The following ITPRID2 variants were observed in gnomAD, a reference collection of about 807,000 sequenced individuals.
ITPRID2 encodes ITPR interacting domain containing 2.
Under a neutral mutation model 124.3 loss-of-function variants are expected in ITPRID2, and 60 were observed. The observed-to-expected ratio is 0.48, with a 90% CI of 0.39 to 0.60. The LOEUF is 0.60. ITPRID2 is among the 20% of genes least tolerant of loss of function. ITPRID2 has a pLI of 0.00. For missense variants in ITPRID2, 1,553 were observed against 1,512.2 expected, an observed-to-expected ratio of 1.03 and a Z score of -0.45; for synonymous variants, 521 against 542.9, an observed-to-expected ratio of 0.96 and a Z score of 0.56.
intron 17 of ITPRID2, among the ~76,000 whole-genome samples, chr2:181,929,090 TA>T (rs1695092327): frequency 6.6e-6 from 1 of 151,888 alleles, no homozygotes; most frequent in African/African-American, 2.4e-5. Flanking sequence ...CTAATTACAT[TA>T]AAAAATTTTT....
Position 181,919,155 on chromosome 2 carries a change from T to C in ITPRID2, c.2994-141T>C. Reference sequence around the variant, plus strand: ...AGACTAATGTCCTTGTGGATACACCTATTGTAGTTGATATTGTACTAATTT... The same window carrying C: ...AGACTAATGTCCTTGTGGATACACCCATTGTAGTTGATATTGTACTAATTT... On this transcript the variant is annotated intron_variant, in intron 13 of 17. Coordinates refer to ENST00000431877, the MANE Select transcript of ITPRID2 (RefSeq NM_001130445.3). This position sits in a 1 kb window ranked among gnomAD's most constrained non-coding sequence, Gnocchi z 4.2. 1 of 960,762 alleles carries C rather than the reference T, an allele frequency of 1.0e-6. No individual in the cohort carries two copies. The allele number at this position is 960,762 out of a possible 1,614,324, so 59.5% of individuals were successfully genotyped here.
At chr2:181,911,594 A>G (rs895961040) in intron 9 of ITPRID2, among the ~76,000 whole-genome samples, 1 of 152,138 alleles carries the variant, frequency 6.6e-6, no homozygotes, top group Non-Finnish European at 1.5e-5. Flanking sequence ...TGTTTCCTCT[A>G]ACTTCCTAGT....
At chr2:181,912,970 A>G (rs1433345564) in intron 9 of ITPRID2, among the ~76,000 whole-genome samples, 1 of 152,200 alleles carries the variant, frequency 6.6e-6, no homozygotes, top group African/African-American at 2.4e-5. Flanking sequence ...TTCATACCTT[A>G]TACATTTGCA....
At position 181,929,799 on chromosome 2, in the gene ITPRID2, G is replaced by C. The variant is rs1695152686; in HGVS notation, c.*252G>C. The C allele has an allele frequency of 6.2e-6, 3 of 487,344 alleles. No homozygotes were observed. The highest frequency in any genetic ancestry group is 3.6e-6 in the Non-Finnish European group (1 of 280,414). 30.2% of individuals were successfully genotyped at this position (487,344 alleles called of 1,614,324 possible). A position where few individuals can be genotyped will look rare whatever the true frequency, so the allele number is the denominator to read the frequency against. On this transcript the variant is annotated 3_prime_UTR_variant, in exon 18 of 18. Coordinates refer to ENST00000431877, the MANE Select transcript of ITPRID2 (RefSeq NM_001130445.3). ...AGTTTGAAAAGCCTAATATTTATTT[G>C]TATGTCAGTATTTTTCATTTGATTC...
Position 181,902,104 on chromosome 2 carries a change from G to A in ITPRID2, c.1051G>A (p.Glu351Lys), listed in dbSNP as rs1339097166. ...QKSQKIMKKK[E>K]SSSMLATVKE... ...GTCTCAAAAAATTATGAAGAAGAAA[G>A]AGTCATCTTCTATGTTGGCTACAGT... Residue 351 changes from glutamate (E) to lysine (K), a missense_variant, in exon 8 of 18, where the codon GAG (glutamate) becomes AAG (lysine). Glu to Lys is a moderately conservative substitution (Grantham distance 56). Coordinates refer to ENST00000431877, the MANE Select transcript of ITPRID2 (RefSeq NM_001130445.3). This position sits in a 1 kb window ranked among gnomAD's most constrained non-coding sequence, Gnocchi z 4.4. 6.2e-7 allele frequency: 1 copy of A among 1,611,718 alleles called. No homozygotes were observed. Among genetic ancestry groups the A allele is most frequent in the Non-Finnish European group, 8.5e-7 (1 of 1,179,186 alleles).
At position 181,916,273 on chromosome 2, in the gene ITPRID2, G is replaced by A. The variant is rs770472951; in HGVS notation, c.2633G>A (p.Cys878Tyr). The A allele has an allele frequency of 6.2e-7, 1 of 1,614,208 alleles. No individual in the cohort carries two copies. The highest frequency in any genetic ancestry group is 2.2e-5 in the East Asian group (1 of 44,876). The stretch of plus-strand genomic sequence containing the variant: ...GTTCCCAACATATCAGGGGCTACTT[G>A]TAGTGCCTTCGCTTCCCCTTTCGGG... ...HSVPNISGAT[C>Y]SAFASPFGCP... The change falls in exon 11 of 18, where the codon TGT becomes TAT. Residue 878 changes from cysteine (C) to tyrosine (Y), a missense_variant. By Grantham distance (194) the Cys-to-Tyr change is radical. Coordinates refer to ENST00000431877, the MANE Select transcript of ITPRID2 (RefSeq NM_001130445.3).
At position 181,892,048 on chromosome 2, in the gene ITPRID2, C is replaced by CG. The variant is rs1186279263; in HGVS notation, c.-17dup. On this transcript the variant is annotated 5_prime_UTR_variant, in exon 1 of 18. Transcript: ENST00000431877. This position sits in a 1 kb window ranked among gnomAD's most constrained non-coding sequence, Gnocchi z 5.2. ...CTCGCGCAGGGTCCGGCTGGGGTAG[C>CG]GGAGCCCCCAGTGCGGCCATGGACC... is the stretch of plus-strand genomic sequence containing the variant. The CG allele has an allele frequency of 1.9e-6, 3 of 1,546,854 alleles. No individual in the cohort carries two copies. In the African/African-American group the frequency reaches 4.1e-5, roughly 21 times the overall value.
intron 4 of ITPRID2, among the ~76,000 whole-genome samples, chr2:181,897,465 A>G (rs1430689389): frequency 6.6e-6 from 1 of 152,032 alleles, no homozygotes; most frequent in African/African-American, 2.4e-5. Context: ...TTTTATTAGA[A>G]ATCATGCTGG....
chr2:181,917,245 C>T (rs1694136583), intron 11 of ITPRID2: 1 of 154,048 alleles, frequency 6.5e-6, no homozygotes, highest in Non-Finnish European at 1.4e-5. Flanking sequence ...AACAAAGAGT[C>T]AGGAGGCCTA....
In ITPRID2 at chr2:181,891,789, G is replaced by A. The variant is rs1298736314; in HGVS notation, c.-278G>A. 8.4e-6 allele frequency: 2 copies of A among 239,298 alleles called. No homozygotes were observed. Among genetic ancestry groups the A allele is most frequent in the African/African-American group, 2.3e-5 (1 of 43,576 alleles). 14.8% of individuals were successfully genotyped at this position (239,298 alleles called of 1,614,324 possible). A position where few individuals can be genotyped will look rare whatever the true frequency, so the allele number is the denominator to read the frequency against. On this transcript the variant is annotated 5_prime_UTR_variant, in exon 1 of 18. Coordinates refer to ENST00000431877, the MANE Select transcript of ITPRID2 (RefSeq NM_001130445.3). ...AGGCAGGGGGTGGGGAGCAGGGGCCGGGCGGGCGCTCGGCTCCCAGCCGCG... is the reference window on the plus strand; with the variant it reads ...AGGCAGGGGGTGGGGAGCAGGGGCCAGGCGGGCGCTCGGCTCCCAGCCGCG...
rs559440920 is a variant in ITPRID2, at chr2:181,919,551, A to G, written c.3144+105A>G. On this transcript the variant is annotated intron_variant, in intron 14 of 17. Coordinates refer to ENST00000431877, the MANE Select transcript of ITPRID2 (RefSeq NM_001130445.3). This position sits in a 1 kb window ranked among gnomAD's most constrained non-coding sequence, Gnocchi z 4.2. ...ATTTCAAGTCATTTATTTTAATGGT[A>G]TTAAAAGCATGCATACTGTTTAAGG... is the stretch of plus-strand genomic sequence containing the variant. The G allele has an allele frequency of 2.3e-6, 3 of 1,283,660 alleles. No homozygotes were observed. The highest frequency in any genetic ancestry group is 3.1e-6 in the Non-Finnish European group (3 of 958,676). The allele number at this position is 1,283,660 out of a possible 1,614,324, so 79.5% of individuals were successfully genotyped here.
At position 181,892,167 on chromosome 2, in the gene ITPRID2, G is replaced by C. The variant is rs772240513; in HGVS notation, c.101G>C (p.Trp34Ser). Residue 34 changes from tryptophan (W) to serine (S), a missense_variant, in exon 1 of 18, where the codon TGG becomes TCG. By Grantham distance (177) the Trp-to-Ser change is radical. Transcript: ENST00000431877. The surrounding 1 kb of genome is among the most constrained non-coding windows in gnomAD (Gnocchi z 5.2). ...GCCTGGGCCAAGTGCCGCAGCTCCT[G>C]GCAAGCGTCGGAGACGGAGGATCTG... ...RKAWAKCRSS[W>S]QASETEDLST... 35 of 1,554,440 alleles carry C rather than the reference G, an allele frequency of 2.3e-5. No homozygotes were observed. The highest frequency in any genetic ancestry group is 5.8e-5 in the Admixed American group (3 of 51,348).
intron 15 of ITPRID2, among the ~76,000 whole-genome samples, chr2:181,921,274 T>G (rs1694459624): frequency 6.6e-6 from 1 of 152,068 alleles, no homozygotes; most frequent in Non-Finnish European, 1.5e-5. Context: ...GGTCAGGAGT[T>G]GAAGACCAGC....
intron 15 of ITPRID2, 61 bp downstream of exon 15, chr2:181,920,723 G>A (rs1253281547): frequency 8.4e-7 from 1 of 1,195,966 alleles, no homozygotes; most frequent in Non-Finnish European, 1.2e-6. Flanking sequence ...CAGACACATA[G>A]TTTCCCTAGT....
At position 181,892,000 on chromosome 2, in the gene ITPRID2, G is replaced by T; in HGVS notation, c.-67G>T. On this transcript the variant is annotated 5_prime_UTR_variant, in exon 1 of 18. Coordinates refer to ENST00000431877, the MANE Select transcript of ITPRID2 (RefSeq NM_001130445.3). ...CCGGCCGGGCGCTGACAGCAAGGGC[G>T]GGGGTCCCTGCCGCCGCCTTGTCTC... 1 of 1,494,160 alleles carries T rather than the reference G, an allele frequency of 6.7e-7. No homozygotes were observed. Among genetic ancestry groups the T allele is most frequent in the Admixed American group, 2.1e-5 (1 of 48,034 alleles). 92.6% of individuals were successfully genotyped at this position (1,494,160 alleles called of 1,614,324 possible). A position where few individuals can be genotyped will look rare whatever the true frequency, so the allele number is the denominator to read the frequency against.
In ITPRID2 at chr2:181,910,037, T is replaced by C. The variant is rs1453070004; in HGVS notation, c.1486+66T>C. 9 of 1,238,640 alleles carry C rather than the reference T, an allele frequency of 7.3e-6. No individual in the cohort carries two copies. Among genetic ancestry groups the C allele is most frequent in the Admixed American group, 3.6e-5 (2 of 55,272 alleles). 76.7% of individuals were successfully genotyped at this position (1,238,640 alleles called of 1,614,324 possible). On this transcript the variant is annotated intron_variant, in intron 9 of 17. Transcript: ENST00000431877. This position sits in a 1 kb window ranked among gnomAD's most constrained non-coding sequence, Gnocchi z 4.1. ...AATATTAGTTGATTTGGAAAAGGGG[T>C]TTTATGTATCAGTATTTGTAGTATT...
chr2:181,906,077 A>C (rs1693086328), intron 8 of ITPRID2, among the ~76,000 whole-genome samples: 1 of 152,218 alleles, frequency 6.6e-6, no homozygotes, highest in East Asian at 1.9e-4. Flanking sequence ...TATGTGTAAA[A>C]CTCGATAGTA....
At position 181,922,339 on chromosome 2, in the gene ITPRID2, T is replaced by G. The variant is rs1335042788; in HGVS notation, c.3602T>G (p.Leu1201Arg). The G allele has an allele frequency of 2.5e-6, 4 of 1,614,120 alleles. No individual in the cohort carries two copies. In the East Asian group the frequency reaches 6.7e-5, roughly 27 times the overall value. The change falls in exon 16 of 18, where the codon CTC (leucine) becomes CGC (arginine). Residue 1201 changes from leucine to arginine, a missense_variant. By Grantham distance (102) the Leu-to-Arg change is moderately radical. Coordinates refer to ENST00000431877, the MANE Select transcript of ITPRID2 (RefSeq NM_001130445.3). ...KSEVEEGHGK[L>R]PSMPAAEEMH... ...GAAGTGGAAGAAGGGCATGGAAAAC[T>G]CCCATCAATGCCAGCTGCTGAGGAA...
In ITPRID2 at chr2:181,900,728, A is replaced by G. The variant is rs774365422; in HGVS notation, c.536A>G (p.Asp179Gly). 4 of 1,611,638 alleles carry G rather than the reference A, an allele frequency of 2.5e-6. No homozygotes were observed. The African/African-American group carries it at 5.3e-5, about 22-fold the overall frequency. ...VSELLELYEE[D>G]PEEILYNLGF... The stretch of plus-strand genomic sequence containing the variant: ...GAATTGTTGGAACTTTATGAGGAAG[A>G]TCCTGAAGAAATTCTTTATAATCTT... Residue 179 changes from aspartate to glycine, a missense_variant, in exon 7 of 18, where the codon GAT (aspartate) becomes GGT (glycine). Physicochemically the swap from Asp to Gly is moderately conservative, Grantham distance 94. Coordinates refer to ENST00000431877, the MANE Select transcript of ITPRID2 (RefSeq NM_001130445.3).
Sources: allele counts gnomAD v4.1 joint callset (sites outside exome capture counted in the v4.1 genomes callset), GRCh38; gene constraint gnomAD v4.1.1; non-coding constraint Gnocchi (gnomAD v3.1); transcripts MANE v1.5; gene names NCBI Gene and HGNC (gene_info 2026-07-23, HGNC 2026-07-21).